Variants in SDK1 observed in about 807,000 individuals in gnomAD.
SDK1 encodes sidekick cell adhesion molecule 1.
Under a neutral mutation model 245.5 loss-of-function variants are expected in SDK1, and 157 were observed. The ratio of observed to expected loss-of-function variants is 0.64; its 90% CI spans 0.56 to 0.73. SDK1 has a LOEUF of 0.73. Among genes scored for constraint, SDK1 ranks in the 30% least tolerant of loss-of-function variants. The pLI, the probability that SDK1 is intolerant of heterozygous loss-of-function variation, is 0.00. For synonymous variants in SDK1, 1,647 were observed against 1,278.5 expected (o/e 1.29, Z -6.15); for missense variants, 3,583 against 3,002.3 (o/e 1.19, Z -4.52).
At chr7:3,372,441 A>T (rs1263511356) in intron 1 of SDK1, among the ~76,000 whole-genome samples, 1 of 152,194 alleles carries the variant, frequency 6.6e-6, no homozygotes, top group African/African-American at 2.4e-5. Flanking sequence ...GGAAAATGAT[A>T]AATTGAACTT....
At chr7:4,074,917 T>TATATATATATATA (rs1491485999) in intron 20 of SDK1, among the ~76,000 whole-genome samples, 1 of 53,728 alleles carries the variant, frequency 1.9e-5, no homozygotes, top group African/African-American at 1.2e-4. Flanking sequence ...TATATATATA[T>TATATATATATATA]TTTTTTTTTT....
chr7:3,670,966 T>C (rs531885541), intron 4 of SDK1, among the ~76,000 whole-genome samples: 1 of 152,324 alleles, frequency 6.6e-6, no homozygotes, highest in East Asian at 1.9e-4. Context: ...TTACAGCACA[T>C]CCTGTAACTT....
intron 1 of SDK1, among the ~76,000 whole-genome samples, chr7:3,363,517 G>A (rs1389624935): frequency 6.6e-6 from 1 of 152,118 alleles, no homozygotes; most frequent in Non-Finnish European, 1.5e-5. Flanking sequence ...TTGTATGTTT[G>A]TTGTTTAAGA....
chr7:3,470,541 G>A (rs1217455466), intron 1 of SDK1, among the ~76,000 whole-genome samples: 1 of 151,710 alleles, frequency 6.6e-6, no homozygotes, highest in Non-Finnish European at 1.5e-5. Context: ...CTGCTTTGAG[G>A]TTCTTAGTCA....
chr7:3,848,071 G>C (rs1179976180), intron 5 of SDK1, among the ~76,000 whole-genome samples: 2 of 152,222 alleles, frequency 1.3e-5, no homozygotes, highest in Non-Finnish European at 2.9e-5. Flanking sequence ...TTTGAAATGT[G>C]CTTATTTCCA....
chr7:3,302,707 C>T (rs59365175), intron 1 of SDK1, among the ~76,000 whole-genome samples: 26,536 of 151,812 alleles, frequency 0.17, 2,295 homozygotes, highest in South Asian at 0.22. Context: ...AAAACACCCC[C>T]CTCAACCCAG....
intron 2 of SDK1, among the ~76,000 whole-genome samples, chr7:3,620,963 C>A (rs1781920197): frequency 6.6e-6 from 1 of 152,054 alleles, no homozygotes; most frequent in African/African-American, 2.4e-5. Flanking sequence ...GTCCTGAATC[C>A]TAGGACTGGC....
chr7:3,554,440 G>C (rs77318944), intron 1 of SDK1, among the ~76,000 whole-genome samples: 3,835 of 152,250 alleles, frequency 0.025, 144 homozygotes, highest in African/African-American at 0.082. Flanking sequence ...CGCAGGTAAA[G>C]CAGTTCTGAG....
intron 1 of SDK1, among the ~76,000 whole-genome samples, chr7:3,313,425 G>A (rs7803993): frequency 0.61 from 92,229 of 151,990 alleles, 28,851 homozygotes; most frequent in African/African-American, 0.78. Flanking sequence ...TGAAATAAAG[G>A]TTGTAGATAA....
chr7:3,695,679 C>G (rs1341140167), intron 4 of SDK1, among the ~76,000 whole-genome samples: 1 of 152,152 alleles, frequency 6.6e-6, no homozygotes, highest in Non-Finnish European at 1.5e-5. Context: ...CATTTCAACT[C>G]AACACAGTTA....
chr7:4,264,595 G>A (rs866682432), intron 44 of SDK1, among the ~76,000 whole-genome samples: 12 of 125,272 alleles, frequency 9.6e-5, no homozygotes, highest in East Asian at 2.7e-4. Flanking sequence ...GAGGCCGCGT[G>A]GACCTCTCCT....
At chr7:3,341,721 C>T (rs1421682453) in intron 1 of SDK1, among the ~76,000 whole-genome samples, 1 of 152,128 alleles carries the variant, frequency 6.6e-6, no homozygotes, top group Admixed American at 6.5e-5. Flanking sequence ...GAAAAAGATA[C>T]AAACTTCAAC....
intron 1 of SDK1, among the ~76,000 whole-genome samples, chr7:3,323,769 C>T (rs1779875616): frequency 6.6e-6 from 1 of 152,204 alleles, no homozygotes; most frequent in Non-Finnish European, 1.5e-5. Flanking sequence ...TAGAATATGA[C>T]ATTGTCACAG....
intron 1 of SDK1, among the ~76,000 whole-genome samples, chr7:3,344,642 A>T (rs1780444874): frequency 6.7e-6 from 1 of 149,872 alleles, no homozygotes; most frequent in African/African-American, 2.4e-5. Flanking sequence ...CATTCTCAGA[A>T]TAGGTGGATA....
chr7:3,539,160 C>T (rs1305232830), intron 1 of SDK1, among the ~76,000 whole-genome samples: 2 of 152,202 alleles, frequency 1.3e-5, no homozygotes, highest in Non-Finnish European at 2.9e-5. Flanking sequence ...GTCATATTTT[C>T]TATCCCCAAG....
At position 3,839,517 on chromosome 7, in the gene SDK1, C is replaced by A. The variant is rs540605634; in HGVS notation, c.847+17934C>A. ...GGTGAAATTGTTAAAACTGTTAAAA[C>A]TCCTTCCTTCCCATCTGTTTATTTA... is the stretch of plus-strand genomic sequence containing the variant. On this transcript the variant is annotated intron_variant, in intron 5 of 44. Transcript: ENST00000404826. 3.5e-4 allele frequency among the ~76,000 whole-genome samples: 53 copies of A among 152,282 alleles called. 2 individuals carry two copies. The South Asian group carries it at 0.011, about 32-fold the overall frequency.
chr7:3,424,704 C>G (rs1264443051), intron 1 of SDK1, among the ~76,000 whole-genome samples: 4 of 152,026 alleles, frequency 2.6e-5, no homozygotes, highest in Non-Finnish European at 5.9e-5. Flanking sequence ...CGAGACCAGC[C>G]TGAACAATGT....
At chr7:3,890,022 T>G (rs1352347286) in intron 5 of SDK1, among the ~76,000 whole-genome samples, 1 of 152,108 alleles carries the variant, frequency 6.6e-6, no homozygotes, top group African/African-American at 2.4e-5. Flanking sequence ...CAGTGGTCAG[T>G]ATTGGCTCAA....
At chr7:4,175,639 T>C (rs556615264) in intron 33 of SDK1, 136 bp from the exon 34 acceptor site, 660 of 761,352 alleles carry the variant, frequency 8.7e-4, no homozygotes, top group Non-Finnish European at 1.4e-3. Context: ...GGGGTCTTTA[T>C]TGCCCCGGGA....
Sources: allele counts gnomAD v4.1 joint callset (sites outside exome capture counted in the v4.1 genomes callset), GRCh38; gene constraint gnomAD v4.1.1; transcripts MANE v1.5; gene names NCBI Gene and HGNC (gene_info 2026-07-23, HGNC 2026-07-21).